Variants in RBFOX1 observed in about 807,000 individuals in gnomAD.
The protein encoded by RBFOX1 is RNA binding fox-1 homolog 1, also known as RNA binding protein fox-1 homolog 1.
Under a neutral mutation model 57.7 loss-of-function variants are expected in RBFOX1, and 8 were observed. The ratio of observed to expected loss-of-function variants is 0.14; its 90% CI spans 0.08 to 0.25. The LOEUF (loss-of-function observed/expected upper bound fraction) is 0.25, where lower values mean the gene tolerates loss of function less well. Ranked by LOEUF, RBFOX1 falls within the 10% of genes least tolerant of loss-of-function variation. The pLI is 1.00. For synonymous variants in RBFOX1, 326 were observed against 222.4 expected, an observed-to-expected ratio of 1.47 and a Z score of -4.15; for missense variants, 611 against 548.5, an observed-to-expected ratio of 1.11 and a Z score of -1.14.
intron 3 of RBFOX1, among the ~76,000 whole-genome samples, chr16:6,740,327 G>T (rs556065233): frequency 6.6e-6 from 1 of 152,268 alleles, no homozygotes; most frequent in South Asian, 2.1e-4. Context: ...ACAAATGAAT[G>T]ATTTCCCCTT....
At position 6,217,621 on chromosome 16, in the gene RBFOX1, T is replaced by C. The variant is rs567487088; in HGVS notation, c.-126-99374T>C. On this transcript the variant is annotated intron_variant, in intron 1 of 15. Transcript: ENST00000550418. Reference sequence around the variant, plus strand: ...CCACATCGTGGTGCATCACTTTGCATGTTGACGGGCTGAGTAACCTGCTTG... The same window carrying C: ...CCACATCGTGGTGCATCACTTTGCACGTTGACGGGCTGAGTAACCTGCTTG... Among the ~76,000 whole-genome samples, 3 of 152,324 alleles carry C rather than the reference T, an allele frequency of 2.0e-5. No homozygotes were observed. In the East Asian group the frequency reaches 5.8e-4, roughly 29 times the overall value.
At chr16:5,982,369 G>T (rs973398051) in intron 4 of RBFOX1, among the ~76,000 whole-genome samples, 3 of 152,160 alleles carry the variant, frequency 2.0e-5, no homozygotes, top group Admixed American at 6.5e-5. Context: ...CGCCTTCTGG[G>T]TTCAAGCAGT....
At chr16:7,204,907 A>G (rs186955630) in intron 4 of RBFOX1, among the ~76,000 whole-genome samples, 9 of 152,152 alleles carry the variant, frequency 5.9e-5, no homozygotes, top group African/African-American at 7.2e-5. Flanking sequence ...TCATCTTTCT[A>G]TGTCTCTTGC....
intron 4 of RBFOX1, among the ~76,000 whole-genome samples, chr16:7,394,849 C>G (rs1310725970): frequency 1.3e-5 from 2 of 152,154 alleles, no homozygotes; most frequent in Non-Finnish European, 2.9e-5. Context: ...TTTTTCAATC[C>G]GTCTACTTCC....
chr16:6,740,447 A>G (rs2071711134), intron 3 of RBFOX1, among the ~76,000 whole-genome samples: 1 of 152,220 alleles, frequency 6.6e-6, no homozygotes, highest in African/African-American at 2.4e-5. Context: ...TAAAGAAATA[A>G]AACTATCCTT....
chr16:6,726,169 T>A (rs1355836120), intron 3 of RBFOX1, among the ~76,000 whole-genome samples: 3 of 152,134 alleles, frequency 2.0e-5, no homozygotes. Flanking sequence ...TAAAAATGGA[T>A]CCTGCGTTTC....
intron 2 of RBFOX1, among the ~76,000 whole-genome samples, chr16:6,513,979 C>A (rs2096312253): frequency 6.6e-6 from 1 of 152,166 alleles, no homozygotes. Flanking sequence ...GGAGGCTCAA[C>A]ACATGTCCAC....
chr16:7,457,398 A>G (rs943011891), intron 4 of RBFOX1, among the ~76,000 whole-genome samples: 3 of 152,184 alleles, frequency 2.0e-5, no homozygotes, highest in Non-Finnish European at 2.9e-5. Flanking sequence ...TAGTTTGTCC[A>G]TCTTATTTTT....
At chr16:7,690,358 C>G (rs985700687) in intron 14 of RBFOX1, among the ~76,000 whole-genome samples, 1 of 152,052 alleles carries the variant, frequency 6.6e-6, no homozygotes, top group African/African-American at 2.4e-5. Flanking sequence ...AGGCCCGAGA[C>G]CCAGTTTCAG....
In RBFOX1 at chr16:5,302,822, G is replaced by A. The variant is rs186767359; in HGVS notation, c.219+62717G>A. On this transcript the variant is annotated intron_variant, in intron 1 of 2. Transcript: ENST00000585867. ...TTTTAGTTTAATCTTTATGTGTTGT[G>A]TATTTAAACTGTGTTTCTTATAAAC... Among the ~76,000 whole-genome samples the A allele has an allele frequency of 8.5e-5, 13 of 152,194 alleles. No homozygotes were observed. The East Asian group carries it at 2.5e-3, about 29-fold the overall frequency.
intron 4 of RBFOX1, among the ~76,000 whole-genome samples, chr16:7,350,671 C>G (rs968429517): frequency 6.6e-6 from 1 of 152,154 alleles, no homozygotes; most frequent in African/African-American, 2.4e-5. Context: ...CCACGATTGG[C>G]TAGTGAATAT....
intron 4 of RBFOX1, among the ~76,000 whole-genome samples, chr16:7,148,932 CTG>C (rs2075581338): frequency 6.6e-6 from 1 of 152,148 alleles, no homozygotes; most frequent in Non-Finnish European, 1.5e-5. Flanking sequence ...TCAGTTTAGT[CTG>C]ATGCATTTCA....
intron 1 of RBFOX1, among the ~76,000 whole-genome samples, chr16:5,374,527 A>AT (rs2065938765): frequency 6.6e-6 from 1 of 152,170 alleles, no homozygotes; most frequent in African/African-American, 2.4e-5. Flanking sequence ...ATCTGGAAGA[A>AT]TCACAGGGAG....
At chr16:6,491,735 G>A (rs2095637192) in intron 2 of RBFOX1, among the ~76,000 whole-genome samples, 3 of 152,154 alleles carry the variant, frequency 2.0e-5, no homozygotes, top group Admixed American at 2.0e-4. Context: ...ACTTGGGATG[G>A]TTTTTCAAGG....
At chr16:7,369,729 C>G (rs1259761818) in intron 4 of RBFOX1, among the ~76,000 whole-genome samples, 1 of 152,098 alleles carries the variant, frequency 6.6e-6, no homozygotes, top group East Asian at 1.9e-4. Context: ...GCATACCTTT[C>G]CAACAAGTTT....
chr16:7,370,237 C>G (rs1391184699), intron 4 of RBFOX1, among the ~76,000 whole-genome samples: 2 of 152,088 alleles, frequency 1.3e-5, no homozygotes, highest in Non-Finnish European at 2.9e-5. Flanking sequence ...GGTAAAGTGG[C>G]CATTGATTGA....
intron 14 of RBFOX1, among the ~76,000 whole-genome samples, chr16:7,692,590 C>T (rs377062211): frequency 6.6e-6 from 1 of 152,134 alleles, no homozygotes; most frequent in Non-Finnish European, 1.5e-5. Context: ...TATAATTTGA[C>T]TCAGACGATC....
intron 2 of RBFOX1, among the ~76,000 whole-genome samples, chr16:6,395,206 AT>A (rs1402846941): frequency 1.3e-5 from 2 of 152,090 alleles, no homozygotes; most frequent in South Asian, 4.1e-4. Flanking sequence ...TGAAGACAGG[AT>A]TTTTTTTGTC....
At chr16:6,215,088 G>A (rs2097326776) in intron 1 of RBFOX1, among the ~76,000 whole-genome samples, 1 of 130,060 alleles carries the variant, frequency 7.7e-6, no homozygotes. Context: ...GGAGAGAGAA[G>A]GAGAGGAGAA....
Sources: allele counts gnomAD v4.1 joint callset (sites outside exome capture counted in the v4.1 genomes callset), GRCh38; gene constraint gnomAD v4.1.1; transcripts MANE v1.5; gene names NCBI Gene and HGNC (gene_info 2026-07-23, HGNC 2026-07-21).